NKAIN3: variants seen among roughly 807,000 people sequenced by gnomAD.
NKAIN3 encodes the protein sodium/potassium transporting ATPase interacting 3, also known as sodium/potassium-transporting ATPase subunit beta-1-interacting protein 3.
In NKAIN3, 25 loss-of-function variants were observed where a neutral mutation model predicts 30.2. That is an observed-to-expected ratio of 0.83 (90% CI 0.60 to 1.16). The LOEUF is 1.16. Ranked by LOEUF, NKAIN3 falls within the 50% of genes most tolerant of loss-of-function variation. NKAIN3 has a pLI of 0.00. For synonymous variants in NKAIN3, 91 were observed against 89.6 expected, an observed-to-expected ratio of 1.02 and a Z score of -0.09; for missense variants, 225 against 254.1, an observed-to-expected ratio of 0.89 and a Z score of 0.78.
intron 1 of NKAIN3, among the ~76,000 whole-genome samples, chr8:62,415,193 T>C (rs532254109): frequency 2.4e-4 from 34 of 142,526 alleles, no homozygotes; most frequent in African/African-American, 8.2e-4. Context: ...TACAATATAC[T>C]ATAGTATATA....
At chr8:62,998,229 A>G (rs1015544633) in intron 5 of NKAIN3, among the ~76,000 whole-genome samples, 1 of 152,164 alleles carries the variant, frequency 6.6e-6, no homozygotes, top group Admixed American at 6.5e-5. Context: ...TGCATAAAGC[A>G]AAAGCTAAGT....
intron 1 of NKAIN3, among the ~76,000 whole-genome samples, chr8:62,288,861 G>T (rs1813473367): frequency 6.6e-6 from 1 of 152,148 alleles, no homozygotes; most frequent in Non-Finnish European, 1.5e-5. Context: ...CCCACCAACA[G>T]TGTAAAAGCT....
chr8:62,793,647 A>T (rs1267808479), intron 4 of NKAIN3, among the ~76,000 whole-genome samples: 1 of 152,144 alleles, frequency 6.6e-6, no homozygotes, highest in African/African-American at 2.4e-5. Flanking sequence ...CACTTCCCTC[A>T]GAAGTGATTA....
intron 4 of NKAIN3, among the ~76,000 whole-genome samples, chr8:62,775,973 A>G (rs1345505629): frequency 6.6e-6 from 1 of 152,066 alleles, no homozygotes; most frequent in Non-Finnish European, 1.5e-5. Flanking sequence ...ACATATATTT[A>G]CAACTTTTAT....
chr8:62,649,639 G>A (rs557564344), intron 3 of NKAIN3, among the ~76,000 whole-genome samples: 1 of 152,208 alleles, frequency 6.6e-6, no homozygotes, highest in South Asian at 2.1e-4. Flanking sequence ...GGCAGAAGTT[G>A]GGGGCATTCT....
chr8:62,421,287 A>G (rs1179054283), intron 1 of NKAIN3, among the ~76,000 whole-genome samples: 2 of 152,108 alleles, frequency 1.3e-5, no homozygotes, highest in Non-Finnish European at 2.9e-5. Context: ...TGCAGGATCG[A>G]CTGTCCCAGA....
intron 3 of NKAIN3, among the ~76,000 whole-genome samples, chr8:62,604,070 G>A (rs1029232430): frequency 6.6e-6 from 1 of 152,028 alleles, no homozygotes; most frequent in Non-Finnish European, 1.5e-5. Flanking sequence ...GCACAGAACT[G>A]CCCAAGGAAG....
In NKAIN3 at chr8:62,965,669, A is replaced by C. The variant is rs1424711306; in HGVS notation, c.*262A>C. ...CAGAATTTGGTTTTAAATTTTTAACAATATTTAATGTGAGGCATGCAAAAT... is the reference window on the plus strand; with the variant it reads ...CAGAATTTGGTTTTAAATTTTTAACCATATTTAATGTGAGGCATGCAAAAT... On this transcript the variant is annotated 3_prime_UTR_variant, in exon 7 of 7. Coordinates refer to ENST00000623646, the MANE Select transcript of NKAIN3 (RefSeq NM_001304533.3). 2 of 980,804 alleles carry C rather than the reference A, an allele frequency of 2.0e-6. No homozygotes were observed. Among genetic ancestry groups the C allele is most frequent in the Non-Finnish European group, 2.4e-6 (2 of 825,918 alleles). The allele number at this position is 980,804 out of a possible 1,614,324, so 60.8% of individuals were successfully genotyped here. A position where few individuals can be genotyped will look rare whatever the true frequency, so the allele number is the denominator to read the frequency against.
chr8:62,849,917 G>A lies in NKAIN3; in HGVS notation c.472-68536G>A, dbSNP rs527486051. ...GTGAATAGTGCTGCAGTAAACATAT[G>A]TGTGCATGTGTCTTTATAGCAGCAT... On this transcript the variant is annotated intron_variant, in intron 4 of 6. Transcript: ENST00000623646. Among the ~76,000 whole-genome samples, 139 of 152,152 alleles carry A rather than the reference G, an allele frequency of 9.1e-4. 1 individual carries two copies. Among genetic ancestry groups the A allele is most frequent in the African/African-American group, 3.3e-3 (135 of 41,538 alleles).
At chr8:62,294,776 C>CCCTAGCTAT (rs1813772302) in intron 1 of NKAIN3, among the ~76,000 whole-genome samples, 1 of 152,132 alleles carries the variant, frequency 6.6e-6, no homozygotes, top group Non-Finnish European at 1.5e-5. Context: ...AACTGGTGGG[C>CCCTAGCTAT]TCTAGCTATT....
chr8:62,394,984 G>A (rs946795546), intron 1 of NKAIN3, among the ~76,000 whole-genome samples: 4 of 150,126 alleles, frequency 2.7e-5, no homozygotes, highest in African/African-American at 7.4e-5. Flanking sequence ...CAGACGGGTC[G>A]GCGGCCGGAC....
At chr8:62,307,206 CTTAA>C (rs1814273482) in intron 1 of NKAIN3, among the ~76,000 whole-genome samples, 1 of 147,516 alleles carries the variant, frequency 6.8e-6, no homozygotes, top group African/African-American at 2.6e-5. Context: ...AAATATCCTA[CTTAA>C]TTGTTTAACA....
chr8:62,468,481 G>A (rs1384787494), intron 1 of NKAIN3, among the ~76,000 whole-genome samples: 1 of 152,142 alleles, frequency 6.6e-6, no homozygotes, highest in Non-Finnish European at 1.5e-5. Context: ...ATGAAGAGAT[G>A]TTTCCTTGAG....
At chr8:62,707,452 T>C (rs1307410947) in intron 3 of NKAIN3, among the ~76,000 whole-genome samples, 2 of 152,156 alleles carry the variant, frequency 1.3e-5, no homozygotes, top group Admixed American at 1.3e-4. Context: ...CATATTGTGG[T>C]TTTGATTTGC....
At chr8:62,633,418 T>G (rs1425551439) in intron 3 of NKAIN3, among the ~76,000 whole-genome samples, 6 of 152,172 alleles carry the variant, frequency 3.9e-5, no homozygotes, top group Admixed American at 3.9e-4. Flanking sequence ...TGGTTCTGAC[T>G]TACTTGTCAA....
At chr8:62,439,055 C>G (rs1396234167) in intron 1 of NKAIN3, among the ~76,000 whole-genome samples, 1 of 152,136 alleles carries the variant, frequency 6.6e-6, no homozygotes. Context: ...GCAAATTAGG[C>G]AAGACCTCCT....
At chr8:62,473,355 A>G (rs750959634) in intron 1 of NKAIN3, 1 of 152,168 alleles carries the variant, frequency 6.6e-6, no homozygotes, top group Non-Finnish European at 1.5e-5. Flanking sequence ...CAATAGAAAA[A>G]TCTTATTCGT....
chr8:62,874,589 C>A (rs1435248887), intron 4 of NKAIN3, among the ~76,000 whole-genome samples: 6 of 152,184 alleles, frequency 3.9e-5, no homozygotes, highest in Admixed American at 3.9e-4. Flanking sequence ...CAAACTGAAT[C>A]CAGCAGCACA....
chr8:62,324,029 A>G (rs929558759), intron 1 of NKAIN3, among the ~76,000 whole-genome samples: 3 of 152,158 alleles, frequency 2.0e-5, no homozygotes, highest in Admixed American at 6.6e-5. Flanking sequence ...ATTCTGTATG[A>G]TATTGTAATG....
Sources: gnomAD v4.1 joint callset for allele counts (sites outside exome capture counted in the v4.1 genomes callset) on GRCh38, gnomAD v4.1.1 for gene constraint, MANE v1.5 for transcripts, NCBI Gene and HGNC (gene_info 2026-07-23, HGNC 2026-07-21) for gene names.